The following CFAP54 variants were observed in gnomAD, a reference collection of about 807,000 sequenced individuals.
CFAP54 encodes cilia- and flagella-associated protein 54.
Under a neutral mutation model 370.4 loss-of-function variants are expected in CFAP54, and 290 were observed. The ratio of observed to expected loss-of-function variants is 0.78; its 90% confidence interval spans 0.71 to 0.86. The LOEUF (loss-of-function observed/expected upper bound fraction) is 0.86. Ranked by LOEUF, CFAP54 falls within the 40% of genes least tolerant of loss-of-function variation. The pLI is 0.00. For synonymous variants in CFAP54, 1,206 were observed against 1,236.5 expected, an observed-to-expected ratio of 0.98 and a Z score of 0.52; for missense variants, 3,399 against 3,528.7, an observed-to-expected ratio of 0.96 and a Z score of 0.93.
At position 96,621,670 on chromosome 12, in the gene CFAP54, A is replaced by T. The variant is rs1156970611; in HGVS notation, c.3720A>T (p.Gly1240=). ...AAAAAATGTTGGACATCACACCAGGATGCAAGTCTCTGTTTGATGGTAGTA... is the reference window on the plus strand; with the variant it reads ...AAAAAATGTTGGACATCACACCAGGTTGCAAGTCTCTGTTTGATGGTAGTA... ...YGKKMLDITP[G]CKSLFDGSNE... The change falls in exon 27 of 68, where the codon GGA becomes GGT. Residue 1240 remains glycine, a synonymous_variant. Coordinates refer to ENST00000524981, the MANE Select transcript of CFAP54 (RefSeq NM_001306084.2). 3 of 1,529,466 alleles carry T rather than the reference A, an allele frequency of 2.0e-6. No individual in the cohort carries two copies. Among genetic ancestry groups the T allele is most frequent in the East Asian group, 2.5e-5 (1 of 40,712 alleles). The allele number at this position is 1,529,466 out of a possible 1,614,324, so 94.7% of individuals were successfully genotyped here. A position where few individuals can be genotyped will look rare whatever the true frequency, so the allele number is the denominator to read the frequency against.
chr12:96,583,196 TG>T (rs1956046998), intron 22 of CFAP54, among the ~76,000 whole-genome samples: 1 of 152,190 alleles, frequency 6.6e-6, no homozygotes, highest in Admixed American at 6.5e-5. Context: ...TTAGTGTATC[TG>T]GAAATTTTTT....
At chr12:96,781,286 A>T (rs1478578859) in intron 60 of CFAP54, among the ~76,000 whole-genome samples, 1 of 152,144 alleles carries the variant, frequency 6.6e-6, no homozygotes, top group East Asian at 1.9e-4. Context: ...TCTAGGGAAA[A>T]ATATTCTTTA....
intron 17 of CFAP54, among the ~76,000 whole-genome samples, chr12:96,556,477 A>G (rs556468247): frequency 7.2e-5 from 11 of 152,054 alleles, no homozygotes; most frequent in Non-Finnish European, 1.6e-4. Flanking sequence ...GTTTGCCATT[A>G]TTGCTGTAAC....
intron 15 of CFAP54, among the ~76,000 whole-genome samples, chr12:96,549,115 A>G (rs185651046): frequency 1.3e-5 from 2 of 152,262 alleles, no homozygotes; most frequent in South Asian, 2.1e-4. Flanking sequence ...CGGCCTCCCA[A>G]AGTGCTGGGA....
In CFAP54 at chr12:96,580,644, A is replaced by G; in HGVS notation, c.2844A>G (p.Gly948=). 6.5e-7 allele frequency: 1 copy of G among 1,528,120 alleles called. No individual in the cohort carries two copies. The highest frequency in any genetic ancestry group is 8.8e-7 in the Non-Finnish European group (1 of 1,142,784). 94.7% of individuals were successfully genotyped at this position (1,528,120 alleles called of 1,614,324 possible). ...GTTGCAAAGCAGAAGGAAGTTATGG[A>G]AAAGTACGGCTAAACAATAATCATC... is the stretch of plus-strand genomic sequence containing the variant. ...ILGCKAEGSY[G]KVRLNNNHLP... The change falls in exon 21 of 68, where the codon GGA becomes GGG. Residue 948 remains glycine (G), a synonymous_variant. Coordinates refer to ENST00000524981, the MANE Select transcript of CFAP54 (RefSeq NM_001306084.2).
intron 22 of CFAP54, 54 bp from the exon 23 acceptor site, chr12:96,589,373 A>T: frequency 7.4e-7 from 1 of 1,351,098 alleles, no homozygotes; most frequent in Non-Finnish European, 1.0e-6. Flanking sequence ...ATTATTGTTT[A>T]AAACATTCAT....
intron 38 of CFAP54, among the ~76,000 whole-genome samples, chr12:96,660,912 C>T (rs901812556): frequency 3.3e-5 from 5 of 152,076 alleles, no homozygotes; most frequent in African/African-American, 1.2e-4. Context: ...GAAACACTTG[C>T]TTACATTCGC....
intron 55 of CFAP54, among the ~76,000 whole-genome samples, chr12:96,746,382 C>A (rs1000435751): frequency 3.3e-5 from 5 of 152,096 alleles, no homozygotes; most frequent in African/African-American, 1.2e-4. Flanking sequence ...CACCCCTCAC[C>A]CCACTTCATT....
chr12:96,664,684 T>A, intron 39 of CFAP54, among the ~76,000 whole-genome samples: 2 of 121,534 alleles, frequency 1.6e-5, no homozygotes, highest in African/African-American at 3.2e-5. Context: ...TTTATATTCC[T>A]TTGGGTATAT....
intron 28 of CFAP54, among the ~76,000 whole-genome samples, chr12:96,625,422 T>G (rs1283921745): frequency 6.6e-6 from 1 of 152,240 alleles, no homozygotes; most frequent in African/African-American, 2.4e-5. Flanking sequence ...AGTCTTGGGT[T>G]TGCTGATATA....
chr12:96,803,593 C>T (rs986169302), intron 63 of CFAP54, among the ~76,000 whole-genome samples: 1 of 152,206 alleles, frequency 6.6e-6, no homozygotes, highest in African/African-American at 2.4e-5. Context: ...ATAACTCTAC[C>T]CTAAGCCACC....
At chr12:96,791,233 G>A (rs1400408069) in intron 62 of CFAP54, among the ~76,000 whole-genome samples, 1 of 148,408 alleles carries the variant, frequency 6.7e-6, no homozygotes, top group African/African-American at 2.5e-5. Context: ...TGCCCAGGCT[G>A]CAGTGCAGTG....
intron 66 of CFAP54, among the ~76,000 whole-genome samples, chr12:96,847,505 G>A (rs1456865898): frequency 6.6e-6 from 1 of 152,186 alleles, no homozygotes. Flanking sequence ...AAGATGGTCA[G>A]TTCCAACTGT....
rs1033612335 is a variant in CFAP54 at position 96,662,884 on chromosome 12, A to G, written c.5461-946A>G. Among the ~76,000 whole-genome samples the G allele has an allele frequency of 7.2e-5, 11 of 152,028 alleles. No homozygotes were observed. In the East Asian group the frequency reaches 2.1e-3, roughly 29 times the overall value. ...ATTCCACACTATCATATTTACAACT[A>G]TGTGCCTTTTTGCTCTATGTCTCTC... On this transcript the variant is annotated intron_variant, in intron 38 of 67. Coordinates refer to ENST00000524981, the MANE Select transcript of CFAP54 (RefSeq NM_001306084.2).
At chr12:96,857,342 C>A (rs1959733780) in intron 66 of CFAP54, among the ~76,000 whole-genome samples, 1 of 152,146 alleles carries the variant, frequency 6.6e-6, no homozygotes, top group South Asian at 2.1e-4. Context: ...TTCTTTGTGC[C>A]CATAAGTTCT....
At chr12:96,798,268 A>G (rs945557885) in intron 63 of CFAP54, among the ~76,000 whole-genome samples, 1 of 152,046 alleles carries the variant, frequency 6.6e-6, no homozygotes, top group Non-Finnish European at 1.5e-5. Flanking sequence ...GTTGAAGTAC[A>G]TGCTTTAGAA....
At chr12:96,794,565 T>A (rs1958738088) in intron 63 of CFAP54, among the ~76,000 whole-genome samples, 1 of 152,144 alleles carries the variant, frequency 6.6e-6, no homozygotes, top group Non-Finnish European at 1.5e-5. Context: ...TTTCTTTAAG[T>A]GTGTCCTTCA....
At chr12:96,671,117 C>T (rs111572397) in intron 39 of CFAP54, among the ~76,000 whole-genome samples, 6,003 of 152,222 alleles carry the variant, frequency 0.039, 300 homozygotes, top group African/African-American at 0.11. Flanking sequence ...GGATTACAGG[C>T]ACCTGCCACC....
intron 11 of CFAP54, among the ~76,000 whole-genome samples, 152 bp from the exon 12 acceptor site, chr12:96,535,363 A>C (rs892428313): frequency 6.6e-6 from 1 of 152,160 alleles, no homozygotes; most frequent in African/African-American, 2.4e-5. Flanking sequence ...ATTAGTTTTC[A>C]TATAGAAGTA....
Sources: gnomAD v4.1 joint callset for allele counts (sites outside exome capture counted in the v4.1 genomes callset) on GRCh38, gnomAD v4.1.1 for gene constraint, MANE v1.5 for transcripts, NCBI Gene and HGNC (gene_info 2026-07-23, HGNC 2026-07-21) for gene names.